ARID4B: variants seen among roughly 807,000 people sequenced by gnomAD.
The protein encoded by ARID4B is AT-rich interactive domain-containing protein 4B.
In ARID4B, 26 loss-of-function variants were observed where a neutral mutation model predicts 147.5. The observed-to-expected ratio is 0.18, with a 90% CI of 0.13 to 0.24. ARID4B has a LOEUF of 0.24. Ranked by LOEUF, ARID4B falls within the 10% of genes least tolerant of loss-of-function variation. ARID4B has a pLI of 1.00. For missense variants in ARID4B, 1,179 were observed against 1,511.5 expected, an observed-to-expected ratio of 0.78 and a Z score of 3.65; for synonymous variants, 512 against 507.9, an observed-to-expected ratio of 1.01 and a Z score of -0.11.
intron 2 of ARID4B, among the ~76,000 whole-genome samples, chr1:235,314,942 A>G (rs567970410): frequency 1.4e-4 from 21 of 152,310 alleles, no homozygotes; most frequent in African/African-American, 3.1e-4. Flanking sequence ...GAAACTTACT[A>G]AAGTTATCAA....
At chr1:235,292,156 T>C (rs1228001893) in intron 2 of ARID4B, among the ~76,000 whole-genome samples, 1 of 152,232 alleles carries the variant, frequency 6.6e-6, no homozygotes, top group Admixed American at 6.5e-5. Flanking sequence ...TTACATATTA[T>C]ATTTCATATG....
intron 20 of ARID4B, among the ~76,000 whole-genome samples, chr1:235,178,524 C>T (rs1664049536): frequency 1.3e-5 from 2 of 152,076 alleles, no homozygotes; most frequent in Non-Finnish European, 2.9e-5. Context: ...TATTGCAAAA[C>T]ATTACAAATA....
At chr1:235,283,460 A>C (rs1671787439) in intron 2 of ARID4B, among the ~76,000 whole-genome samples, 1 of 152,242 alleles carries the variant, frequency 6.6e-6, no homozygotes, top group South Asian at 2.1e-4. Context: ...CTAAAATGTT[A>C]ATAGTAGTTA....
intron 7 of ARID4B, among the ~76,000 whole-genome samples, chr1:235,243,649 A>G (rs1669128045): frequency 6.6e-6 from 1 of 152,182 alleles, no homozygotes; most frequent in African/African-American, 2.4e-5. Flanking sequence ...GATATGGGCC[A>G]AGGAATACCA....
chr1:235,181,533 C>T (rs753792498), intron 20 of ARID4B, 52 bp downstream of exon 20: 5 of 1,561,612 alleles, frequency 3.2e-6, no homozygotes, highest in South Asian at 1.2e-5. Flanking sequence ...ATCATTGAAA[C>T]TTTAAGAGGG....
Position 235,182,732 on chromosome 1 carries a change from A to T in ARID4B, c.2187T>A (p.Asp729Glu), listed in dbSNP as rs1220606924. The T allele has an allele frequency of 2.5e-6, 4 of 1,612,832 alleles. No homozygotes were observed. The highest frequency in any genetic ancestry group is 3.4e-6 in the Non-Finnish European group (4 of 1,179,694). ...TCTTAGATTCCTCTTTGCCATTATT[A>T]TCCATGTCTTGAGCACCTCTCTCAT... ...QEDERGAQDMDNNGKEESKID... is the reference protein window; with the variant it reads ...QEDERGAQDMENNGKEESKID... Residue 729 changes from aspartate (D) to glutamate (E), a missense_variant, in exon 20 of 24, where the codon GAT becomes GAA. Physicochemically the swap from Asp to Glu is conservative, Grantham distance 45. Coordinates refer to ENST00000264183, the MANE Select transcript of ARID4B (RefSeq NM_016374.6).
intron 17 of ARID4B, among the ~76,000 whole-genome samples, chr1:235,207,958 G>A (rs1028433540): frequency 7.2e-5 from 11 of 152,046 alleles, no homozygotes; most frequent in African/African-American, 2.7e-4. Context: ...GAACTGTTGT[G>A]GCTTATTTAA....
intron 2 of ARID4B, among the ~76,000 whole-genome samples, chr1:235,326,572 G>A (rs537936467): frequency 1.3e-5 from 2 of 152,318 alleles, no homozygotes; most frequent in East Asian, 3.9e-4. Flanking sequence ...GTAACTGATA[G>A]AACCACAATA....
At chr1:235,255,803 CCAAAA>C in intron 4 of ARID4B, 53 bp from the exon 5 acceptor site, 6 of 1,306,468 alleles carry the variant, frequency 4.6e-6, no homozygotes, top group Non-Finnish European at 6.5e-6. Flanking sequence ...AATTAACAAA[CCAAAA>C]CCTGGGTTTG....
At chr1:235,199,275 C>T (rs993837045) in intron 17 of ARID4B, among the ~76,000 whole-genome samples, 3 of 152,086 alleles carry the variant, frequency 2.0e-5, no homozygotes, top group African/African-American at 7.2e-5. Flanking sequence ...TATTATGACT[C>T]TTCTGTTATT....
chr1:235,302,512 A>G (rs146506827), intron 2 of ARID4B, among the ~76,000 whole-genome samples: 2 of 152,324 alleles, frequency 1.3e-5, no homozygotes, highest in East Asian at 3.9e-4. Context: ...AATGTTTTGG[A>G]TATGCTGGGT....
chr1:235,259,820 CACA>C (rs1260571133), intron 3 of ARID4B, among the ~76,000 whole-genome samples: 1 of 152,142 alleles, frequency 6.6e-6, no homozygotes, highest in Non-Finnish European at 1.5e-5. Flanking sequence ...TCCACAGAAG[CACA>C]ACACCTCTAC....
At chr1:235,246,631 A>T in intron 6 of ARID4B, 120 bp from the exon 7 acceptor site, 2 of 652,694 alleles carry the variant, frequency 3.1e-6, no homozygotes, top group Non-Finnish European at 5.3e-6. Flanking sequence ...CCCCCAGGGA[A>T]GCTAAAACAC....
At chr1:235,267,184 G>A (rs900903177) in intron 2 of ARID4B, among the ~76,000 whole-genome samples, 19 of 152,098 alleles carry the variant, frequency 1.2e-4, no homozygotes, top group African/African-American at 3.6e-4. Flanking sequence ...AGGCTGAGGC[G>A]GGAGGATCGC....
chr1:235,226,283 CA>C (rs1369895370), intron 11 of ARID4B, among the ~76,000 whole-genome samples: 3 of 152,154 alleles, frequency 2.0e-5, no homozygotes, highest in Non-Finnish European at 4.4e-5. Context: ...AAGGAACTTA[CA>C]AATTCGTGGG....
chr1:235,295,071 C>T (rs1212987927), intron 2 of ARID4B, among the ~76,000 whole-genome samples: 2 of 151,664 alleles, frequency 1.3e-5, no homozygotes, highest in Non-Finnish European at 2.9e-5. Context: ...GCTTACATCC[C>T]TACTGGAATA....
intron 23 of ARID4B, among the ~76,000 whole-genome samples, chr1:235,171,433 C>CA (rs991993040): frequency 6.0e-5 from 9 of 149,524 alleles, no homozygotes; most frequent in Non-Finnish European, 8.9e-5. Flanking sequence ...ACTCCATCTC[C>CA]AAAAAAAAAG....
At chr1:235,248,577 TAA>T (rs926784658) in intron 6 of ARID4B, among the ~76,000 whole-genome samples, 5 of 151,916 alleles carry the variant, frequency 3.3e-5, no homozygotes, top group African/African-American at 9.7e-5. Flanking sequence ...AGCAGAAAAA[TAA>T]AAGAGAGAGA....
chr1:235,282,613 T>C (rs748111160), intron 2 of ARID4B, among the ~76,000 whole-genome samples: 2 of 151,920 alleles, frequency 1.3e-5, no homozygotes, highest in African/African-American at 2.4e-5. Context: ...AGAGATGATA[T>C]ATCTACACAA....
Sources: allele counts gnomAD v4.1 joint callset (sites outside exome capture counted in the v4.1 genomes callset), GRCh38; gene constraint gnomAD v4.1.1; transcripts MANE v1.5; gene names NCBI Gene and HGNC (gene_info 2026-07-23, HGNC 2026-07-21).